SPECC1: variants seen among roughly 807,000 people sequenced by gnomAD.
SPECC1 encodes cytospin-B.
Under a neutral mutation model 104.1 loss-of-function variants are expected in SPECC1, and 62 were observed. The observed-to-expected ratio is 0.60, with a 90% confidence interval of 0.49 to 0.74. The LOEUF (loss-of-function observed/expected upper bound fraction) is 0.74. Ranked by LOEUF, SPECC1 falls within the 30% of genes least tolerant of loss-of-function variation. The probability of loss-of-function intolerance (pLI) is 0.00; values close to 1 mark genes in which losing one functional copy is unlikely to be tolerated. For missense variants in SPECC1, 1,306 were observed against 1,310.5 expected, an observed-to-expected ratio of 1.00 and a Z score of 0.05; for synonymous variants, 513 against 501.6, an observed-to-expected ratio of 1.02 and a Z score of -0.30.
intron 1 of SPECC1, among the ~76,000 whole-genome samples, chr17:20,042,597 C>G (rs1402567179): frequency 6.6e-6 from 1 of 152,158 alleles, no homozygotes; most frequent in Non-Finnish European, 1.5e-5. Flanking sequence ...TACCTTGGTA[C>G]GTCCTCACAA....
intron 7 of SPECC1, chr17:20,236,780 A>G: frequency 1.9e-6 from 3 of 1,583,452 alleles, no homozygotes; most frequent in Non-Finnish European, 2.6e-6. Flanking sequence ...TAAGCTGGAA[A>G]TTCTTGCGTT....
At chr17:20,176,835 T>C (rs2034505903) in intron 3 of SPECC1, among the ~76,000 whole-genome samples, 1 of 152,226 alleles carries the variant, frequency 6.6e-6, no homozygotes, top group Non-Finnish European at 1.5e-5. Context: ...TTTATCTCAA[T>C]ATCCTTAAGC....
At chr17:20,016,044 A>AC (rs2044112232) in intron 1 of SPECC1, among the ~76,000 whole-genome samples, 1 of 150,030 alleles carries the variant, frequency 6.7e-6, no homozygotes, top group African/African-American at 2.4e-5. Context: ...CTCCGCTTCT[A>AC]CTAAAAAAAA....
chr17:20,161,798 CTT>C (rs200231490), intron 3 of SPECC1, among the ~76,000 whole-genome samples: 14 of 141,578 alleles, frequency 9.9e-5, no homozygotes, highest in Non-Finnish European at 1.1e-4. Context: ...TTTTTTCTTT[CTT>C]TTTTTTTTTT....
intron 4 of SPECC1, among the ~76,000 whole-genome samples, chr17:20,223,164 A>T (rs2037995354): frequency 6.6e-6 from 1 of 150,782 alleles, no homozygotes; most frequent in Admixed American, 6.7e-5. Flanking sequence ...AAAGCCAATA[A>T]CTTACTAGAT....
chr17:20,242,237 C>T (rs1212808360), intron 7 of SPECC1, among the ~76,000 whole-genome samples: 2 of 152,182 alleles, frequency 1.3e-5, no homozygotes, highest in African/African-American at 2.4e-5. Context: ...TAGACCATGA[C>T]TGACATTTGA....
chr17:20,180,935 G>T (rs1174482145), intron 3 of SPECC1, among the ~76,000 whole-genome samples: 2 of 151,942 alleles, frequency 1.3e-5, no homozygotes, highest in Non-Finnish European at 2.9e-5. Flanking sequence ...AACAAAAAGT[G>T]AAATATGAAA....
At chr17:20,234,521 C>A (rs2038791481) in intron 7 of SPECC1, among the ~76,000 whole-genome samples, 1 of 152,178 alleles carries the variant, frequency 6.6e-6, no homozygotes, top group African/African-American at 2.4e-5. Flanking sequence ...CTCAAAGCTC[C>A]GGAAGCCACC....
In SPECC1 at chr17:20,110,734, T is replaced by C. The variant is rs544954067; in HGVS notation, c.283+172T>C. 2.6e-5 allele frequency among the ~76,000 whole-genome samples: 4 copies of C among 152,224 alleles called. No individual in the cohort carries two copies. In the East Asian group the frequency reaches 7.8e-4, roughly 30 times the overall value. Reference sequence around the variant, plus strand: ...TGTCGCTGCCCACAGGGAGTTTACATCTATAGAGTGGGGAGACCGATGAGA... The same window carrying C: ...TGTCGCTGCCCACAGGGAGTTTACACCTATAGAGTGGGGAGACCGATGAGA... On this transcript the variant is annotated intron_variant, in intron 3 of 14. Coordinates refer to ENST00000395527, the MANE Select transcript of SPECC1 (RefSeq NM_001243439.2).
At chr17:20,276,168 G>A (rs190997265) in intron 12 of SPECC1, among the ~76,000 whole-genome samples, 34 of 152,056 alleles carry the variant, frequency 2.2e-4, no homozygotes, top group Admixed American at 9.2e-4. Flanking sequence ...CCAGGCTAGA[G>A]TGTAGTGGCA....
intron 1 of SPECC1, among the ~76,000 whole-genome samples, chr17:20,038,795 G>A (rs1288124836): frequency 3.3e-5 from 5 of 152,090 alleles, no homozygotes; most frequent in Non-Finnish European, 5.9e-5. Context: ...TTTGACCCAC[G>A]GATGATTTTA....
At chr17:20,239,052 G>A (rs1291519660) in intron 7 of SPECC1, 7 of 1,032,858 alleles carry the variant, frequency 6.8e-6, no homozygotes, top group Non-Finnish European at 8.2e-6. Context: ...TAAATAGGAG[G>A]TTGACATGGA....
At chr17:20,095,784 T>G (rs1412823768) in intron 1 of SPECC1, 1 of 152,722 alleles carries the variant, frequency 6.5e-6, no homozygotes, top group Non-Finnish European at 1.5e-5. Context: ...ATCATGGGTT[T>G]GGTGCCCTGT....
chr17:20,112,817 G>A (rs530185583), intron 3 of SPECC1: 206 of 1,571,642 alleles, frequency 1.3e-4, no homozygotes, highest in Non-Finnish European at 1.6e-4. Flanking sequence ...CTTAAAAAAT[G>A]CAAAGTTGAA....
In SPECC1 at chr17:20,205,619, G is replaced by A. The variant is rs2036724660; in HGVS notation, c.1570G>A (p.Glu524Lys). The A allele has an allele frequency of 6.2e-7, 1 of 1,614,158 alleles. No homozygotes were observed. Among genetic ancestry groups the A allele is most frequent in the East Asian group, 2.2e-5 (1 of 44,878 alleles). ...EENEKLNEFL[E>K]LERHNNNMMA... ...AAATGAAAAACTGAATGAGTTTCTAGAACTGGAACGGCATAATAATAACAT... is the reference window on the plus strand; with the variant it reads ...AAATGAAAAACTGAATGAGTTTCTAAAACTGGAACGGCATAATAATAACAT... Residue 524 changes from glutamate (E) to lysine (K), a missense_variant, in exon 4 of 15, where the codon GAA (glutamate) becomes AAA (lysine). By Grantham distance (56) the Glu-to-Lys change is moderately conservative. Around this residue, in one of 2 missense-constraint regions of SPECC1, gnomAD observed 1,177 missense variants for 1,139.9 expected, o/e 1.03. Coordinates refer to ENST00000395527, the MANE Select transcript of SPECC1 (RefSeq NM_001243439.2).
chr17:20,271,933 C>T (rs575408738), intron 12 of SPECC1, among the ~76,000 whole-genome samples: 7 of 152,030 alleles, frequency 4.6e-5, no homozygotes, highest in African/African-American at 1.7e-4. Flanking sequence ...TTGTGGGCAT[C>T]GCTCCATTGT....
At chr17:20,162,825 C>G (rs532127837) in intron 3 of SPECC1, among the ~76,000 whole-genome samples, 2 of 152,262 alleles carry the variant, frequency 1.3e-5, no homozygotes, top group East Asian at 3.9e-4. Context: ...GTTGGGAGTT[C>G]GAGACCAGCC....
At chr17:20,151,025 C>T (rs1230178065) in intron 3 of SPECC1, among the ~76,000 whole-genome samples, 2 of 152,068 alleles carry the variant, frequency 1.3e-5, no homozygotes, top group Non-Finnish European at 2.9e-5. Flanking sequence ...ACCTTTTTGT[C>T]TTCCTTAAAA....
At chr17:20,094,557 T>C (rs7208025) in intron 1 of SPECC1, among the ~76,000 whole-genome samples, 75,676 of 151,956 alleles carry the variant, frequency 0.5, 19,405 homozygotes, top group Middle Eastern at 0.6. Context: ...GGTGTGGTGG[T>C]GGGCAATAAA....
Sources: gnomAD v4.1 joint callset for allele counts (sites outside exome capture counted in the v4.1 genomes callset) on GRCh38, gnomAD v4.1.1 for gene constraint, gnomAD v4.1.1 regional missense constraint, MANE v1.5 for transcripts, NCBI Gene and HGNC (gene_info 2026-07-23, HGNC 2026-07-21) for gene names.